The following PRKN variants were observed in gnomAD, a reference collection of about 807,000 sequenced individuals.
PRKN encodes the protein parkin RBR E3 ubiquitin protein ligase, also known as E3 ubiquitin-protein ligase parkin.
In PRKN, 56 loss-of-function variants were observed where a neutral mutation model predicts 59.5. The observed-to-expected ratio is 0.94, with a 90% CI of 0.76 to 1.18. The LOEUF (loss-of-function observed/expected upper bound fraction) is 1.18. Ranked by LOEUF, PRKN falls within the 50% of genes most tolerant of loss-of-function variation. PRKN has a pLI of 0.00. For missense variants in PRKN, 657 were observed against 596.4 expected, an observed-to-expected ratio of 1.10 and a Z score of -1.06; for synonymous variants, 250 against 222.1, an observed-to-expected ratio of 1.13 and a Z score of -1.12.
intron 6 of PRKN, among the ~76,000 whole-genome samples, chr6:161,790,827 T>G (rs1176669305): frequency 6.6e-6 from 1 of 152,184 alleles, no homozygotes; most frequent in East Asian, 1.9e-4. Flanking sequence ...GATGTTTTAG[T>G]AAGTTTAGCT....
In PRKN at chr6:161,554,148, C is replaced by G. The variant is rs916535425; in HGVS notation, c.934-5145G>C. On this transcript the variant is annotated intron_variant, in intron 8 of 11. Transcript: ENST00000366898. The surrounding 1 kb of genome is among the most constrained non-coding windows in gnomAD (Gnocchi z 4.5). ...GTTGCTCCTTTCTTCCACACTGGTT[C>G]TCAAGAACACAGAAGATGACATAAT... 6.6e-6 allele frequency among the ~76,000 whole-genome samples: 1 copy of G among 152,130 alleles called. No homozygotes were observed. The highest frequency in any genetic ancestry group is 2.4e-5 in the African/African-American group (1 of 41,418).
intron 7 of PRKN, among the ~76,000 whole-genome samples, chr6:161,766,209 A>G (rs977788538): frequency 2.6e-5 from 4 of 152,204 alleles, no homozygotes; most frequent in African/African-American, 9.6e-5. Context: ...TGACTTGAAG[A>G]CTACAGAAGC....
At chr6:162,422,650 G>A (rs561881495) in intron 2 of PRKN, among the ~76,000 whole-genome samples, 75 of 152,240 alleles carry the variant, frequency 4.9e-4, no homozygotes, top group Admixed American at 1.2e-3. Context: ...GACATTAAGA[G>A]TCATAAGAAG....
In PRKN at chr6:162,132,993, G is replaced by A. The variant is rs544699089; in HGVS notation, c.534+68138C>T. Among the ~76,000 whole-genome samples the A allele has an allele frequency of 1.5e-4, 23 of 152,288 alleles. No individual in the cohort carries two copies. In the East Asian group the frequency reaches 3.3e-3, roughly 22 times the overall value. On this transcript the variant is annotated intron_variant, in intron 4 of 11. Transcript: ENST00000366898. ...TGGCCACAGCACCGTGGCCATTGTC[G>A]GGGCAGCAGAACATGTGCTTGGAGA...
At position 161,352,505 on chromosome 6, in the gene PRKN, T is replaced by G. The variant is rs1784587804; in HGVS notation, c.1286-2294A>C. On this transcript the variant is annotated intron_variant, in intron 11 of 11. Transcript: ENST00000366898. This position sits in a 1 kb window ranked among gnomAD's most constrained non-coding sequence, Gnocchi z 5.8. ...AAATAATATGTTATATGGTGTGACA[T>G]TATAAAACCACTTGTTTCTCTAAAA... 6.6e-6 allele frequency among the ~76,000 whole-genome samples: 1 copy of G among 151,866 alleles called. No homozygotes were observed. The highest frequency in any genetic ancestry group is 1.5e-5 in the Non-Finnish European group (1 of 67,940).
intron 2 of PRKN, among the ~76,000 whole-genome samples, chr6:162,414,710 CAAAA>C (rs1397574412): frequency 9.8e-6 from 1 of 101,972 alleles, no homozygotes. Context: ...GACTCCGTCT[CAAAA>C]AAAAAAAAAA....
chr6:161,438,111 C>G (rs1179008490), intron 9 of PRKN, among the ~76,000 whole-genome samples: 1 of 151,926 alleles, frequency 6.6e-6, no homozygotes, highest in Non-Finnish European at 1.5e-5. Context: ...CATCATTTAA[C>G]TAATCCACTG....
intron 4 of PRKN, among the ~76,000 whole-genome samples, chr6:162,193,195 A>G (rs1784356301): frequency 6.6e-6 from 1 of 152,224 alleles, no homozygotes; most frequent in Admixed American, 6.5e-5. Flanking sequence ...AACTGACATC[A>G]TCCCAATGAA....
At chr6:161,673,090 A>G (rs1044492091) in intron 7 of PRKN, among the ~76,000 whole-genome samples, 7 of 152,104 alleles carry the variant, frequency 4.6e-5, no homozygotes, top group Admixed American at 4.6e-4. Context: ...CGTGCAGAAC[A>G]CACTTCTGGA....
chr6:162,532,008 C>T (rs1778535521), intron 1 of PRKN, among the ~76,000 whole-genome samples: 1 of 152,030 alleles, frequency 6.6e-6, no homozygotes, highest in East Asian at 1.9e-4. Context: ...TGTAAACCTT[C>T]TAACATTCTT....
chr6:162,070,480 G>A (rs942161588), intron 4 of PRKN, among the ~76,000 whole-genome samples: 1 of 152,106 alleles, frequency 6.6e-6, no homozygotes, highest in African/African-American at 2.4e-5. Flanking sequence ...TTTTCAACGT[G>A]GCTCTTTTGC....
At chr6:161,953,844 CCTA>C (rs1268754663) in intron 6 of PRKN, among the ~76,000 whole-genome samples, 1 of 152,152 alleles carries the variant, frequency 6.6e-6, no homozygotes, top group African/African-American at 2.4e-5. Flanking sequence ...TAAGCCCTTT[CCTA>C]CTTATAATCA....
intron 5 of PRKN, among the ~76,000 whole-genome samples, chr6:162,009,614 G>A (rs770193878): frequency 6.6e-6 from 1 of 151,722 alleles, no homozygotes; most frequent in African/African-American, 2.4e-5. Context: ...GCCCTTCACA[G>A]GCACACAGGA....
intron 1 of PRKN, among the ~76,000 whole-genome samples, chr6:162,465,843 A>G (rs1160894571): frequency 6.6e-6 from 1 of 152,210 alleles, no homozygotes; most frequent in African/African-American, 2.4e-5. Context: ...AGGAGGGTAT[A>G]TTGTGATATT....
At chr6:161,980,266 C>T (rs974699862) in intron 5 of PRKN, among the ~76,000 whole-genome samples, 3 of 152,102 alleles carry the variant, frequency 2.0e-5, no homozygotes, top group Non-Finnish European at 4.4e-5. Context: ...AAATTCCATT[C>T]TTGTCTCCAA....
chr6:161,563,287 C>A (rs905975737), intron 8 of PRKN, among the ~76,000 whole-genome samples: 1 of 152,086 alleles, frequency 6.6e-6, no homozygotes, highest in East Asian at 1.9e-4. Context: ...AATAATAGTA[C>A]AAGAAAGTAT....
intron 6 of PRKN, among the ~76,000 whole-genome samples, chr6:161,806,929 C>T (rs560136544): frequency 6.6e-6 from 1 of 152,290 alleles, no homozygotes; most frequent in South Asian, 2.1e-4. Context: ...CCGAACACCA[C>T]CTGCATAAAA....
Position 161,373,450 on chromosome 6 carries a change from A to G in PRKN, c.1168-13245T>C, listed in dbSNP as rs1273492857. On this transcript the variant is annotated intron_variant, in intron 10 of 11. Coordinates refer to ENST00000366898, the MANE Select transcript of PRKN (RefSeq NM_004562.3). The surrounding 1 kb of genome is among the most constrained non-coding windows in gnomAD (Gnocchi z 4.8). Reference sequence around the variant, plus strand: ...GTGGGAACACCTAGTCCTTGCTGAAAGAAGGTAAATGCAACCCTGGAGAAC... The same window carrying G: ...GTGGGAACACCTAGTCCTTGCTGAAGGAAGGTAAATGCAACCCTGGAGAAC... Among the ~76,000 whole-genome samples the G allele has an allele frequency of 6.6e-6, 1 of 152,160 alleles. No individual in the cohort carries two copies. Among genetic ancestry groups the G allele is most frequent in the Non-Finnish European group, 1.5e-5 (1 of 68,042 alleles).
At position 161,447,560 on chromosome 6, in the gene PRKN, C is replaced by A. The variant is rs749653097; in HGVS notation, c.1084-60683G>T. On this transcript the variant is annotated intron_variant, in intron 9 of 11. Transcript: ENST00000366898. The surrounding 1 kb of genome is among the most constrained non-coding windows in gnomAD (Gnocchi z 4.1). ...CCAGGCTGGAGTGCAGTGGAGTGATCTCAGCTCACTGCAACCTCCGCCTCC... is the reference window on the plus strand; with the variant it reads ...CCAGGCTGGAGTGCAGTGGAGTGATATCAGCTCACTGCAACCTCCGCCTCC... 2.6e-5 allele frequency among the ~76,000 whole-genome samples: 4 copies of A among 152,108 alleles called. No homozygotes were observed. Among genetic ancestry groups the A allele is most frequent in the Admixed American group, 6.5e-5 (1 of 15,274 alleles).
Sources: allele counts gnomAD v4.1 joint callset (sites outside exome capture counted in the v4.1 genomes callset), GRCh38; gene constraint gnomAD v4.1.1; non-coding constraint Gnocchi (gnomAD v3.1); transcripts MANE v1.5; gene names NCBI Gene and HGNC (gene_info 2026-07-23, HGNC 2026-07-21).